The following GJA3 variants were observed in gnomAD, a reference collection of about 807,000 sequenced individuals.
GJA3 encodes gap junction alpha-3 protein.
For synonymous variants in GJA3, 297 were observed against 292.6 expected (o/e 1.02, Z -0.15); for missense variants, 571 against 620.3 (o/e 0.92, Z 0.84).
chr13:20,159,445 A>T (rs1958924423), intron 1 of GJA3, among the ~76,000 whole-genome samples: 1 of 116,940 alleles, frequency 8.6e-6, no homozygotes, highest in Non-Finnish European at 1.7e-5. Context: ...TGACAGAGCG[A>T]GACTCCATCT....
chr13:20,147,854 A>G (rs1958852448), intron 1 of GJA3, among the ~76,000 whole-genome samples: 1 of 152,090 alleles, frequency 6.6e-6, no homozygotes, highest in Non-Finnish European at 1.5e-5. Flanking sequence ...GCTTAGCCCA[A>G]TGTCAGAGGA....
At chr13:20,148,801 G>A (rs541105371) in intron 1 of GJA3, among the ~76,000 whole-genome samples, 1 of 152,192 alleles carries the variant, frequency 6.6e-6, no homozygotes, top group East Asian at 1.9e-4. Context: ...CGGTGTGATC[G>A]CTTAACCTTG....
chr13:20,158,931 A>AAAAAAAG (rs1555340275), intron 1 of GJA3, among the ~76,000 whole-genome samples: 141 of 148,854 alleles, frequency 9.5e-4, no homozygotes, highest in African/African-American at 3.2e-3. Flanking sequence ...AAAAAAAAAA[A>AAAAAAAG]AAAAAGAAAA....
chr13:20,158,809 G>A (rs1179581792), intron 1 of GJA3, among the ~76,000 whole-genome samples: 2 of 150,864 alleles, frequency 1.3e-5, no homozygotes, highest in Non-Finnish European at 2.9e-5. Context: ...CTACAAGGGA[G>A]GCTGAGGCAG....
At chr13:20,157,155 A>T (rs1958911169) in intron 1 of GJA3, among the ~76,000 whole-genome samples, 1 of 152,194 alleles carries the variant, frequency 6.6e-6, no homozygotes, top group Non-Finnish European at 1.5e-5. Flanking sequence ...AAAAAAAGTG[A>T]CTTCCTTAAG....
Position 20,143,198 on chromosome 13 carries a change from T to G in GJA3, c.91A>C (p.Ile31Leu). ...GCCCCCAGCACCAAGATGCGGAAGA[T>G]GAACAGCACGGTCAGCCAAACCTTG... ...IGKVWLTVLF[I>L]FRILVLGAAA... The change falls in exon 2 of 2, where the codon ATC becomes CTC. Residue 31 changes from isoleucine to leucine, a missense_variant. By Grantham distance (5) the Ile-to-Leu change is conservative. Coordinates refer to ENST00000241125, the MANE Select transcript of GJA3 (RefSeq NM_021954.4). 1 of 1,588,970 alleles carries G rather than the reference T, an allele frequency of 6.3e-7. No individual in the cohort carries two copies. Among genetic ancestry groups the G allele is most frequent in the Admixed American group, 1.7e-5 (1 of 59,004 alleles).
At chr13:20,150,372 G>GGTGTGT (rs71816956) in intron 1 of GJA3, among the ~76,000 whole-genome samples, 55 of 148,106 alleles carry the variant, frequency 3.7e-4, no homozygotes, top group Middle Eastern at 3.5e-3. Flanking sequence ...CACTGCTCCT[G>GGTGTGT]GTGTGTGTGT....
chr13:20,147,571 C>G (rs1275195995), intron 1 of GJA3, among the ~76,000 whole-genome samples: 3 of 152,146 alleles, frequency 2.0e-5, no homozygotes, highest in African/African-American at 7.2e-5. Context: ...TACGTGGACA[C>G]AGAAAAAGGA....
chr13:20,140,644 C>G lies in GJA3; in HGVS notation c.*1337G>C, dbSNP rs903753076. ...AAAATTCTGCCGTCTTCCAGCCATG[C>G]CCACACACATAAATAGCCTTCCCTG... On this transcript the variant is annotated 3_prime_UTR_variant, in exon 2 of 2. Coordinates refer to ENST00000241125, the MANE Select transcript of GJA3 (RefSeq NM_021954.4). 6.6e-6 allele frequency: 1 copy of G among 152,152 alleles called. No individual in the cohort carries two copies. Among genetic ancestry groups the G allele is most frequent in the Non-Finnish European group, 1.5e-5 (1 of 68,040 alleles). 9.4% of individuals were successfully genotyped at this position (152,152 alleles called of 1,614,324 possible).
intron 1 of GJA3, 51 bp from the exon 2 acceptor site, chr13:20,143,356 G>T (rs892888317): frequency 4.5e-6 from 6 of 1,338,116 alleles, no homozygotes; most frequent in Non-Finnish European, 6.0e-6. Context: ...CTGAGTGCCG[G>T]GTCCGCACCC....
chr13:20,142,406 CG>C lies in GJA3; in HGVS notation c.882del (p.Ala295ArgfsTer6). On this transcript the variant is annotated frameshift_variant, in exon 2 of 2. Transcript: ENST00000241125. LOFTEE classifies it low-confidence loss of function (END_TRUNC). ...AVGYPGAPPP[A>X]ADFKLLALTE... Reference sequence around the variant, plus strand: ...GTCAGGGCTAGCAGTTTGAAGTCCGCGGCTGGTGGCGGGGCCCCGGGGTAGC... The same window carrying C: ...GTCAGGGCTAGCAGTTTGAAGTCCGCGCTGGTGGCGGGGCCCCGGGGTAGC... The C allele has an allele frequency of 1.3e-6, 2 of 1,500,722 alleles. No individual in the cohort carries two copies. The highest frequency in any genetic ancestry group is 1.8e-6 in the Non-Finnish European group (2 of 1,125,238). The allele number at this position is 1,500,722 out of a possible 1,614,324, so 93.0% of individuals were successfully genotyped here.
chr13:20,147,381 T>C (rs1488369059), intron 1 of GJA3, among the ~76,000 whole-genome samples: 1 of 152,212 alleles, frequency 6.6e-6, no homozygotes, highest in Admixed American at 6.5e-5. Context: ...AAATGCCTTA[T>C]GAAATAAAGT....
chr13:20,157,617 ACAC>A (rs1958913641), intron 1 of GJA3, among the ~76,000 whole-genome samples: 1 of 152,066 alleles, frequency 6.6e-6, no homozygotes. Flanking sequence ...TTCCCCTCCC[ACAC>A]CACTTCATGG....
intron 1 of GJA3, among the ~76,000 whole-genome samples, chr13:20,147,678 C>CACA: frequency 6.6e-6 from 1 of 152,332 alleles, no homozygotes; most frequent in Admixed American, 6.5e-5. Flanking sequence ...TATCACACTG[C>CACA]TCATCATAAA....
At chr13:20,160,183 CAA>C (rs1349324758) in intron 1 of GJA3, among the ~76,000 whole-genome samples, 5 of 152,178 alleles carry the variant, frequency 3.3e-5, no homozygotes, top group Admixed American at 3.3e-4. Context: ...TTTGTTTTCT[CAA>C]GTCTCCTACG....
intron 1 of GJA3, among the ~76,000 whole-genome samples, chr13:20,156,635 G>A (rs1481903804): frequency 6.6e-6 from 1 of 152,088 alleles, no homozygotes; most frequent in Non-Finnish European, 1.5e-5. Context: ...ATTTTAAACT[G>A]GAAGTAATTA....
rs1402595354 is a variant in GJA3 at position 20,156,558 on chromosome 13, C to T, written c.-18+4332G>A. Among the ~76,000 whole-genome samples the T allele has an allele frequency of 2.0e-5, 3 of 152,176 alleles. No individual in the cohort carries two copies. In the South Asian group the frequency reaches 6.2e-4, roughly 32 times the overall value. ...AACTCCTGACCTCAGGTGATCTGTG[C>T]ACCCTGGCCTCCCAAAGTGTTGGGA... is the stretch of plus-strand genomic sequence containing the variant. On this transcript the variant is annotated intron_variant, in intron 1 of 1. Transcript: ENST00000241125.
At position 20,140,683 on chromosome 13, in the gene GJA3, G is replaced by A. The variant is rs1958801974; in HGVS notation, c.*1298C>T. 6.6e-6 allele frequency: 1 copy of A among 152,224 alleles called. No homozygotes were observed. The highest frequency in any genetic ancestry group is 2.1e-4 in the South Asian group (1 of 4,822). 9.4% of individuals were successfully genotyped at this position (152,224 alleles called of 1,614,324 possible). A position where few individuals can be genotyped will look rare whatever the true frequency, so the allele number is the denominator to read the frequency against. On this transcript the variant is annotated 3_prime_UTR_variant, in exon 2 of 2. Coordinates refer to ENST00000241125, the MANE Select transcript of GJA3 (RefSeq NM_021954.4). ...TAGCCTTCCCTGTCAGGACAGCTCT[G>A]GTGTGGAGGCAGAATGGGGCATACA...
At chr13:20,159,099 T>C (rs959089574) in intron 1 of GJA3, among the ~76,000 whole-genome samples, 3 of 152,026 alleles carry the variant, frequency 2.0e-5, no homozygotes, top group African/African-American at 7.2e-5. Flanking sequence ...TAGAGACATA[T>C]ATGCTGTTGT....
Sources: allele counts gnomAD v4.1 joint callset (sites outside exome capture counted in the v4.1 genomes callset), GRCh38; gene constraint gnomAD v4.1.1; transcripts MANE v1.5; gene names NCBI Gene and HGNC (gene_info 2026-07-23, HGNC 2026-07-21).